The following PPP1R13L variants were observed in gnomAD, a reference collection of about 807,000 sequenced individuals.
PPP1R13L encodes protein phosphatase 1 regulatory subunit 13 like, also known as relA-associated inhibitor.
A neutral mutation model predicts 80.9 loss-of-function variants in PPP1R13L; 50 were observed. The ratio of observed to expected loss-of-function variants is 0.62; its 90% CI spans 0.49 to 0.78. The LOEUF (loss-of-function observed/expected upper bound fraction) is 0.78, where lower values mean the gene tolerates loss of function less well. Ranked by LOEUF, PPP1R13L falls within the 30% of genes least tolerant of loss-of-function variation. PPP1R13L has a pLI of 0.00. For synonymous variants in PPP1R13L, 602 were observed against 534.3 expected (o/e 1.13, Z -1.75); for missense variants, 1,200 against 1,205.9 (o/e 1.00, Z 0.07).
Position 45,382,460 on chromosome 19 carries a change from G to A in PPP1R13L, c.2448+67C>T, listed in dbSNP as rs964506818. On this transcript the variant is annotated intron_variant, in intron 12 of 12. Transcript: ENST00000360957. ...GTTCCTGTTGCCTCTTCTTTTTCCT[G>A]TGGGATCCCCCTTTTCCCCAACCCC... The A allele has an allele frequency of 2.2e-5, 34 of 1,541,784 alleles. No individual in the cohort carries two copies. In the African/African-American group the frequency reaches 3.3e-4, roughly 15 times the overall value.
chr19:45,385,489 AG>A, intron 11 of PPP1R13L, 72 bp downstream of exon 11: 1 of 1,442,342 alleles, frequency 6.9e-7, no homozygotes, highest in Non-Finnish European at 9.3e-7. Context: ...TCTCCCTAGT[AG>A]GGGGTAGTTG....
Position 45,391,261 on chromosome 19 carries a change from G to A in PPP1R13L, c.1815+619C>T, listed in dbSNP as rs1371062776. On this transcript the variant is annotated intron_variant, in intron 8 of 12. Coordinates refer to ENST00000360957, the MANE Select transcript of PPP1R13L (RefSeq NM_006663.4). ...CAAGAGACACAGAGACAGAGAGGGA[G>A]AGAAGAGAGGGTGACTGCTTTGATT... is the stretch of plus-strand genomic sequence containing the variant. Among the ~76,000 whole-genome samples, 3 of 152,078 alleles carry A rather than the reference G, an allele frequency of 2.0e-5. No individual in the cohort carries two copies. The East Asian group carries it at 5.8e-4, about 29-fold the overall frequency.
At chr19:45,394,156 G>C (rs1010312645) in intron 7 of PPP1R13L, among the ~76,000 whole-genome samples, 2 of 152,034 alleles carry the variant, frequency 1.3e-5, no homozygotes, top group Admixed American at 6.6e-5. Flanking sequence ...ATTTGAGACT[G>C]GGTCTCACTC....
chr19:45,388,626 A>G (rs968801195), intron 8 of PPP1R13L, among the ~76,000 whole-genome samples: 1 of 152,178 alleles, frequency 6.6e-6, no homozygotes, highest in African/African-American at 2.4e-5. Flanking sequence ...TTGTGATTTT[A>G]TAATTCAAAA....
At chr19:45,391,591 C>G (rs1286720243) in intron 8 of PPP1R13L, among the ~76,000 whole-genome samples, 1 of 152,304 alleles carries the variant, frequency 6.6e-6, no homozygotes, top group South Asian at 2.1e-4. Flanking sequence ...GGAAAGGGCA[C>G]TTTCTCTTCT....
At chr19:45,393,029 A>AAC (rs1973010349) in intron 7 of PPP1R13L, 1 of 149,340 alleles carries the variant, frequency 6.7e-6, no homozygotes, top group African/African-American at 2.5e-5. Context: ...AAAAAAAAAA[A>AAC]AAAAAAATTA....
rs1309280349 is a variant in PPP1R13L at position 45,396,380 on chromosome 19, C to A, written c.769G>T (p.Val257Leu). 2 of 1,614,170 alleles carry A rather than the reference C, an allele frequency of 1.2e-6. No homozygotes were observed. The highest frequency in any genetic ancestry group is 1.7e-6 in the Non-Finnish European group (2 of 1,180,010). ...PKAWNESDLD[V>L]AYEKKPSQTA... ...TGCGAAGGCTTCTTCTCGTACGCCACGTCCAGGTCAGACTCGTTCCAGGCT... is the reference window on the plus strand; with the variant it reads ...TGCGAAGGCTTCTTCTCGTACGCCAAGTCCAGGTCAGACTCGTTCCAGGCT... Residue 257 changes from valine (V) to leucine (L), a missense_variant, in exon 5 of 13, where the codon GTG (valine) becomes TTG (leucine). Val to Leu is a conservative substitution (Grantham distance 32). This residue lies in a region of PPP1R13L where 764 missense variants were observed against 714.5 expected (regional missense o/e 1.07). Coordinates refer to ENST00000360957, the MANE Select transcript of PPP1R13L (RefSeq NM_006663.4). This position sits in a 1 kb window ranked among gnomAD's most constrained non-coding sequence, Gnocchi z 5.3.
At chr19:45,386,574 C>G (rs1972874338) in intron 8 of PPP1R13L, among the ~76,000 whole-genome samples, 1 of 151,946 alleles carries the variant, frequency 6.6e-6, no homozygotes, top group South Asian at 2.1e-4. Flanking sequence ...AGTGTTCATT[C>G]CGGATGTTTG....
At chr19:45,397,158 C>CCT in intron 3 of PPP1R13L, 100 bp from the exon 4 acceptor site, 1 of 992,582 alleles carries the variant, frequency 1.0e-6, no homozygotes, top group Non-Finnish European at 1.3e-6. Flanking sequence ...TGGAGGTCAA[C>CCT]CCAGAGGAGG....
At chr19:45,393,527 G>T (rs1973021469) in intron 7 of PPP1R13L, among the ~76,000 whole-genome samples, 2 of 151,412 alleles carry the variant, frequency 1.3e-5, no homozygotes, top group African/African-American at 4.9e-5. Context: ...GGGAGGTGTA[G>T]GATGCAGTGA....
intron 12 of PPP1R13L, 130 bp downstream of exon 12, chr19:45,382,397 T>C: frequency 9.1e-7 from 1 of 1,102,220 alleles, no homozygotes; most frequent in Non-Finnish European, 1.3e-6. Context: ...TGAGCAATAA[T>C]GAGCTTTTCA....
At chr19:45,385,459 G>A (rs545997822) in intron 11 of PPP1R13L, 103 bp downstream of exon 11, 3 of 1,326,298 alleles carry the variant, frequency 2.3e-6, no homozygotes, top group Middle Eastern at 2.7e-4. Flanking sequence ...CAAGTGGTTG[G>A]TACAGCCCCC....
At position 45,397,161 on chromosome 19, in the gene PPP1R13L, A is replaced by C. The variant is rs959777493; in HGVS notation, c.199-103T>G. 4 of 962,344 alleles carry C rather than the reference A, an allele frequency of 4.2e-6. No individual in the cohort carries two copies. The African/African-American group carries it at 6.8e-5, about 16-fold the overall frequency. 59.6% of individuals were successfully genotyped at this position (962,344 alleles called of 1,614,324 possible). ...AAGAGAGATCACTGGAGGTCAACCC[A>C]GAGGAGGCTGACCGGCCATGGAAAT... On this transcript the variant is annotated intron_variant, in intron 3 of 12. Transcript: ENST00000360957.
At chr19:45,384,407 T>C (rs1484256420) in intron 11 of PPP1R13L, among the ~76,000 whole-genome samples, 1 of 148,004 alleles carries the variant, frequency 6.8e-6, no homozygotes. Flanking sequence ...GTGGGGCCCT[T>C]GCCTGTAATC....
At chr19:45,402,273 C>G (rs1462110055) in intron 1 of PPP1R13L, 1 of 152,134 alleles carries the variant, frequency 6.6e-6, no homozygotes, top group Non-Finnish European at 1.5e-5. Context: ...GAGATTTAGT[C>G]TCTCTCGCGC....
At chr19:45,398,673 T>G (rs1043676806) in intron 1 of PPP1R13L, among the ~76,000 whole-genome samples, 2 of 149,410 alleles carry the variant, frequency 1.3e-5, no homozygotes, top group African/African-American at 2.5e-5. Flanking sequence ...CTTGGCTCAC[T>G]GCAACCTCCG....
Position 45,385,710 on chromosome 19 carries a change from C to G in PPP1R13L, c.2100G>C (p.Ala700=), listed in dbSNP as rs1377754919. The change falls in exon 11 of 13, where the codon GCG becomes GCC. Residue 700 remains alanine (A), a synonymous_variant. Coordinates refer to ENST00000360957, the MANE Select transcript of PPP1R13L (RefSeq NM_006663.4). ...AGATGACTGTGTCGTTGCACGACGC[C>G]GCGCAGTGCAAGGGTGTCCTAGGCG... ...DSHGWTPLHC[A]ASCNDTVICM... The G allele has an allele frequency of 6.2e-7, 1 of 1,611,498 alleles. No individual in the cohort carries two copies. Among genetic ancestry groups the G allele is most frequent in the Non-Finnish European group, 8.5e-7 (1 of 1,178,954 alleles).
rs1450589985 is a variant in PPP1R13L at position 45,398,265 on chromosome 19, C to G, written c.54G>C (p.Gln18His). The G allele has an allele frequency of 1.9e-6, 3 of 1,613,874 alleles. No individual in the cohort carries two copies. The African/African-American group carries it at 4.0e-5, about 22-fold the overall frequency. ...GCCCCGCCCCCTACTCCAGCTTACACTGGAAGTTCATGTCCAGAAAGTCCC... is the reference window on the plus strand; with the variant it reads ...GCCCCGCCCCCTACTCCAGCTTACAGTGGAAGTTCATGTCCAGAAAGTCCC... ...SARDFLDMNF[Q>H]SLAMKHMDLK... Residue 18 changes from glutamine (Q) to histidine (H), a missense_variant and splice_region_variant, in exon 2 of 13, where the codon CAG becomes CAC. Coordinates refer to ENST00000360957, the MANE Select transcript of PPP1R13L (RefSeq NM_006663.4).
Position 45,396,328 on chromosome 19 carries a change from CACCA to C in PPP1R13L, c.811+6_811+9del. ...CCGGGTCCTCCATTCCCCGGGCCTC[CACCA>C]CTCACGTTCATAGCTCGCTGTCTGC... On this transcript the variant is annotated splice_donor_region_variant and intron_variant, in intron 5 of 12. Coordinates refer to ENST00000360957, the MANE Select transcript of PPP1R13L (RefSeq NM_006663.4). The surrounding 1 kb of genome is among the most constrained non-coding windows in gnomAD (Gnocchi z 5.3). 6.2e-7 allele frequency: 1 copy of C among 1,614,058 alleles called. No homozygotes were observed. Among genetic ancestry groups the C allele is most frequent in the Non-Finnish European group, 8.5e-7 (1 of 1,180,014 alleles).
Sources: gnomAD v4.1 joint callset for allele counts (sites outside exome capture counted in the v4.1 genomes callset) on GRCh38, gnomAD v4.1.1 for gene constraint, gnomAD v4.1.1 regional missense constraint, Gnocchi (gnomAD v3.1) non-coding constraint, MANE v1.5 for transcripts, NCBI Gene and HGNC (gene_info 2026-07-23, HGNC 2026-07-21) for gene names.